ACAP2: variants seen among roughly 807,000 people sequenced by gnomAD.
ACAP2 encodes arf-GAP with coiled-coil, ANK repeat and PH domain-containing protein 2.
Under a neutral mutation model 115.8 loss-of-function variants are expected in ACAP2, and 39 were observed. That is an observed-to-expected ratio of 0.34 (90% confidence interval 0.26 to 0.44). The LOEUF (loss-of-function observed/expected upper bound fraction) is 0.44. ACAP2 is among the 20% of genes least tolerant of loss of function. The probability of loss-of-function intolerance (pLI) is 1.00; values close to 1 mark genes in which losing one functional copy is unlikely to be tolerated. For synonymous variants in ACAP2, 289 were observed against 315.8 expected, an observed-to-expected ratio of 0.92 and a Z score of 0.90; for missense variants, 662 against 927.6, an observed-to-expected ratio of 0.71 and a Z score of 3.72.
intron 1 of ACAP2, among the ~76,000 whole-genome samples, chr3:195,399,287 T>C (rs532093761): frequency 6.6e-6 from 1 of 152,292 alleles, no homozygotes; most frequent in South Asian, 2.1e-4. Flanking sequence ...ATGAAAATAG[T>C]GGGATTTTAA....
At chr3:195,295,478 A>C (rs1727582537) in intron 17 of ACAP2, 7 of 596,332 alleles carry the variant, frequency 1.2e-5, no homozygotes, top group Non-Finnish European at 2.0e-5. Flanking sequence ...CTTGCATTTT[A>C]AGCAGTTTTA....
chr3:195,325,380 G>A (rs1729716231), intron 9 of ACAP2: 1 of 422,546 alleles, frequency 2.4e-6, no homozygotes, highest in African/African-American at 2.1e-5. Flanking sequence ...CATAACTACA[G>A]GAGACATACT....
intron 4 of ACAP2, among the ~76,000 whole-genome samples, chr3:195,372,631 G>A (rs544446981): frequency 5.3e-5 from 8 of 152,020 alleles, no homozygotes; most frequent in Non-Finnish European, 1.2e-4. Flanking sequence ...AGACCAGCCT[G>A]GGCAACACAG....
intron 21 of ACAP2, among the ~76,000 whole-genome samples, chr3:195,287,398 T>G (rs1370427109): frequency 2.1e-5 from 3 of 141,798 alleles, no homozygotes; most frequent in Non-Finnish European, 4.5e-5. Flanking sequence ...AGTATTCACG[T>G]AAATAATTTT....
At chr3:195,427,994 T>C (rs966849044) in intron 1 of ACAP2, among the ~76,000 whole-genome samples, 35 of 150,596 alleles carry the variant, frequency 2.3e-4, no homozygotes, top group African/African-American at 2.5e-4. Context: ...TATATATATA[T>C]ACACACACAC....
At chr3:195,356,831 A>C (rs2108684034) in intron 4 of ACAP2, among the ~76,000 whole-genome samples, 1 of 152,036 alleles carries the variant, frequency 6.6e-6, no homozygotes. Flanking sequence ...GCAGCAACCA[A>C]GTAACACACA....
At chr3:195,337,377 T>C (rs1485921743) in intron 6 of ACAP2, among the ~76,000 whole-genome samples, 2 of 151,960 alleles carry the variant, frequency 1.3e-5, no homozygotes, top group Admixed American at 1.3e-4. Flanking sequence ...CAATAGGCTA[T>C]GAATTAGTCT....
chr3:195,324,182 T>C (rs1412055470), intron 9 of ACAP2, among the ~76,000 whole-genome samples: 4 of 152,094 alleles, frequency 2.6e-5, no homozygotes, highest in Admixed American at 2.6e-4. Context: ...AAATGACCAA[T>C]GAATATAAGA....
chr3:195,434,526 G>A (rs1363681429), intron 1 of ACAP2, among the ~76,000 whole-genome samples: 1 of 152,168 alleles, frequency 6.6e-6, no homozygotes, highest in Non-Finnish European at 1.5e-5. Flanking sequence ...ATAAGCCATT[G>A]TGCCCAGCTG....
intron 4 of ACAP2, 30 bp downstream of exon 4, chr3:195,380,979 T>G: frequency 6.5e-7 from 1 of 1,539,320 alleles, no homozygotes; most frequent in Non-Finnish European, 8.8e-7. Flanking sequence ...GTTAATATGG[T>G]CATAGTAACA....
intron 3 of ACAP2, among the ~76,000 whole-genome samples, chr3:195,381,692 G>A (rs1208993299): frequency 6.6e-6 from 1 of 152,078 alleles, no homozygotes; most frequent in African/African-American, 2.4e-5. Flanking sequence ...AACTAGGTGA[G>A]AAGAGCCATG....
At chr3:195,301,448 T>C (rs2108963086) in intron 15 of ACAP2, 127 bp downstream of exon 15, 1 of 732,322 alleles carries the variant, frequency 1.4e-6, no homozygotes. Context: ...GCCTCAGATG[T>C]GTTTCAATAC....
intron 10 of ACAP2, among the ~76,000 whole-genome samples, chr3:195,315,343 A>G (rs1729019628): frequency 6.6e-6 from 1 of 152,230 alleles, no homozygotes; most frequent in Non-Finnish European, 1.5e-5. Context: ...TTCTTTTACA[A>G]GTCAGAATTT....
Position 195,296,166 on chromosome 3 carries a change from TATTC to T in ACAP2, c.1488-278_1488-275del, listed in dbSNP as rs1195482902. 2.6e-5 allele frequency among the ~76,000 whole-genome samples: 4 copies of T among 152,204 alleles called. No individual in the cohort carries two copies. The East Asian group carries it at 7.7e-4, about 29-fold the overall frequency. On this transcript the variant is annotated intron_variant, in intron 16 of 22. Transcript: ENST00000326793. The stretch of plus-strand genomic sequence containing the variant: ...TCTTCCCTTCTCTTAATTTCTGTGC[TATTC>T]ATTTCTATACTGCCCTCATGCTTTT...
intron 4 of ACAP2, chr3:195,355,957 C>A: frequency 3.0e-6 from 1 of 337,334 alleles, no homozygotes; most frequent in African/African-American, 2.1e-5. Flanking sequence ...GCAATATGGC[C>A]AAATAGAAGC....
At chr3:195,373,622 T>TA (rs1733324331) in intron 4 of ACAP2, among the ~76,000 whole-genome samples, 1 of 152,178 alleles carries the variant, frequency 6.6e-6, no homozygotes. Context: ...AAGCAGTCCT[T>TA]AAAATTTTTG....
rs1726214348 is a variant in ACAP2 at position 195,277,203 on chromosome 3, A to C, written c.*2125T>G. On this transcript the variant is annotated 3_prime_UTR_variant, in exon 23 of 23. Coordinates refer to ENST00000326793, the MANE Select transcript of ACAP2 (RefSeq NM_012287.6). ...AGGATCTTTAGGAATTAAAACAGGAAGGGACACTATAAAGGAAAAGTGAGG... is the reference window on the plus strand; with the variant it reads ...AGGATCTTTAGGAATTAAAACAGGACGGGACACTATAAAGGAAAAGTGAGG... The C allele has an allele frequency of 1.3e-5, 2 of 152,236 alleles. No individual in the cohort carries two copies. Among genetic ancestry groups the C allele is most frequent in the Non-Finnish European group, 2.9e-5 (2 of 68,038 alleles). The allele number at this position is 152,236 out of a possible 1,614,324, so 9.4% of individuals were successfully genotyped here. A position where few individuals can be genotyped will look rare whatever the true frequency, so the allele number is the denominator to read the frequency against.
chr3:195,308,859 T>A (rs749739587), intron 10 of ACAP2, 22 bp from the exon 11 acceptor site: 1 of 1,579,336 alleles, frequency 6.3e-7, no homozygotes. Flanking sequence ...CAAAATAGAT[T>A]AAGTTTTCAT....
At chr3:195,388,969 AGCCGAGATCACACCACT>A (rs1429995855) in intron 2 of ACAP2, among the ~76,000 whole-genome samples, 1 of 151,008 alleles carries the variant, frequency 6.6e-6, no homozygotes, top group African/African-American at 2.4e-5. Flanking sequence ...AGCTGCAATG[AGCCGAGATCACACCACT>A]GCACTCCAGC....
Sources: allele counts gnomAD v4.1 joint callset (sites outside exome capture counted in the v4.1 genomes callset), GRCh38; gene constraint gnomAD v4.1.1; transcripts MANE v1.5; gene names NCBI Gene and HGNC (gene_info 2026-07-23, HGNC 2026-07-21).